ODAD2: variants seen among roughly 807,000 people sequenced by gnomAD.
The protein encoded by ODAD2 is outer dynein arm docking complex subunit 2, also known as outer dynein arm-docking complex subunit 2.
A neutral mutation model predicts 106.8 loss-of-function variants in ODAD2; 89 were observed. The observed-to-expected ratio is 0.83, with a 90% confidence interval of 0.70 to 0.99. The LOEUF is 0.99. Ranked by LOEUF, ODAD2 falls within the 50% of genes least tolerant of loss-of-function variation. The probability of loss-of-function intolerance (pLI) is 0.00; values close to 1 mark genes in which losing one functional copy is unlikely to be tolerated. For missense variants in ODAD2, 1,168 were observed against 1,238.5 expected, an observed-to-expected ratio of 0.94 and a Z score of 0.85; for synonymous variants, 404 against 436.2, an observed-to-expected ratio of 0.93 and a Z score of 0.92.
intron 17 of ODAD2, among the ~76,000 whole-genome samples, chr10:27,897,942 G>A (rs568700507): frequency 5.3e-5 from 8 of 152,052 alleles, no homozygotes; most frequent in African/African-American, 1.2e-4. Context: ...GCTTGCATAC[G>A]AGACCAGCCA....
chr10:27,982,354 A>G (rs12415087), intron 6 of ODAD2, among the ~76,000 whole-genome samples: 36,007 of 151,990 alleles, frequency 0.24, 4,413 homozygotes, highest in Middle Eastern at 0.3. Flanking sequence ...TTAAAGGGAT[A>G]CTTAGATATC....
At chr10:27,965,405 T>C (rs1848427045) in intron 9 of ODAD2, among the ~76,000 whole-genome samples, 1 of 151,960 alleles carries the variant, frequency 6.6e-6, no homozygotes, top group Non-Finnish European at 1.5e-5. Flanking sequence ...CTTTGGTGCA[T>C]AGGGTGAGGA....
At chr10:27,922,574 G>A (rs1844872979) in intron 16 of ODAD2, among the ~76,000 whole-genome samples, 1 of 152,118 alleles carries the variant, frequency 6.6e-6, no homozygotes, top group Non-Finnish European at 1.5e-5. Flanking sequence ...ACAGGCAATA[G>A]ATGAGAATTA....
At chr10:27,848,281 A>T (rs140501084) in intron 19 of ODAD2, among the ~76,000 whole-genome samples, 1,744 of 152,312 alleles carry the variant, frequency 0.011, 30 homozygotes, top group African/African-American at 0.039. Flanking sequence ...ATCTACAACC[A>T]TCTGATCTTT....
intron 9 of ODAD2, 127 bp from the exon 10 acceptor site, chr10:27,961,842 A>G: frequency 1.4e-6 from 1 of 736,128 alleles, no homozygotes; most frequent in Non-Finnish European, 2.2e-6. Context: ...AGGTGGGAGG[A>G]TTACTTAAGG....
chr10:27,993,492 T>C (rs1332984261), intron 2 of ODAD2, among the ~76,000 whole-genome samples: 1 of 151,566 alleles, frequency 6.6e-6, no homozygotes, highest in Non-Finnish European at 1.5e-5. Flanking sequence ...TCTACTAAAA[T>C]ACAAAAAATT....
At chr10:27,913,735 TTCAACATCACTGA>T (rs1458864316) in intron 16 of ODAD2, among the ~76,000 whole-genome samples, 1 of 152,090 alleles carries the variant, frequency 6.6e-6, no homozygotes, top group Non-Finnish European at 1.5e-5. Context: ...TTAAAAAATG[TTCAACATCACTGA>T]TCATTAGAGA....
intron 17 of ODAD2, among the ~76,000 whole-genome samples, chr10:27,880,802 TA>T (rs1353849501): frequency 7.9e-5 from 12 of 152,226 alleles, no homozygotes; most frequent in Admixed American, 7.9e-4. Context: ...CTGTTCTTTA[TA>T]AATTATCCAG....
chr10:27,845,360 T>C (rs1044203939), intron 19 of ODAD2, among the ~76,000 whole-genome samples: 1 of 152,212 alleles, frequency 6.6e-6, no homozygotes, highest in East Asian at 1.9e-4. Flanking sequence ...CCTTTACAGA[T>C]AAGCAAATGC....
At chr10:27,833,302 C>T (rs576468198) in intron 19 of ODAD2, among the ~76,000 whole-genome samples, 2 of 151,854 alleles carry the variant, frequency 1.3e-5, no homozygotes, top group Non-Finnish European at 2.9e-5. Flanking sequence ...AATTTGAAAA[C>T]ATTAGCACCC....
intron 19 of ODAD2, among the ~76,000 whole-genome samples, chr10:27,818,411 C>T (rs1480787915): frequency 2.6e-5 from 4 of 152,066 alleles, no homozygotes; most frequent in Non-Finnish European, 5.9e-5. Context: ...GTCTTGACTC[C>T]ATTGTTATAC....
intron 2 of ODAD2, among the ~76,000 whole-genome samples, chr10:27,994,193 A>G (rs912253975): frequency 1.3e-5 from 2 of 151,934 alleles, no homozygotes; most frequent in African/African-American, 4.8e-5. Flanking sequence ...TTTTCATCTC[A>G]GATTTGAAAG....
chr10:27,877,309 G>T (rs1012103123), intron 17 of ODAD2, among the ~76,000 whole-genome samples: 5 of 152,120 alleles, frequency 3.3e-5, no homozygotes, highest in Non-Finnish European at 7.3e-5. Context: ...TGGGAAAAAT[G>T]ACAAAAGTGA....
At chr10:27,959,368 T>C (rs1488952233) in intron 10 of ODAD2, among the ~76,000 whole-genome samples, 1 of 151,752 alleles carries the variant, frequency 6.6e-6, no homozygotes, top group Non-Finnish European at 1.5e-5. Context: ...AGTTCTCCAC[T>C]GCCAGTTCTT....
chr10:27,994,320 A>G (rs1459036423), intron 2 of ODAD2, among the ~76,000 whole-genome samples: 3 of 152,038 alleles, frequency 2.0e-5, no homozygotes, highest in African/African-American at 7.2e-5. Flanking sequence ...CCAGGAATTG[A>G]TCAATTTAAA....
intron 17 of ODAD2, among the ~76,000 whole-genome samples, chr10:27,899,465 A>T (rs1156592805): frequency 6.6e-6 from 1 of 151,956 alleles, no homozygotes; most frequent in Non-Finnish European, 1.5e-5. Flanking sequence ...GCGAGACAGA[A>T]CTGTTCACAC....
chr10:27,885,804 AAT>A (rs1198771976), intron 17 of ODAD2, among the ~76,000 whole-genome samples: 2 of 86,546 alleles, frequency 2.3e-5, no homozygotes, highest in African/African-American at 9.6e-5. Flanking sequence ...ATATATATAA[AAT>A]ATATATTATA....
chr10:27,864,994 C>T (rs1054597610), intron 17 of ODAD2, among the ~76,000 whole-genome samples: 1 of 152,110 alleles, frequency 6.6e-6, no homozygotes, highest in Non-Finnish European at 1.5e-5. Flanking sequence ...CCATGTGTTA[C>T]TCAACTGAGT....
chr10:27,864,000 G>A (rs1840256465), intron 17 of ODAD2, among the ~76,000 whole-genome samples: 1 of 152,106 alleles, frequency 6.6e-6, no homozygotes, highest in Non-Finnish European at 1.5e-5. Flanking sequence ...AGAGGCTGAA[G>A]TGTGGGGGAA....
Sources: allele counts gnomAD v4.1 joint callset (sites outside exome capture counted in the v4.1 genomes callset), GRCh38; gene constraint gnomAD v4.1.1; transcripts MANE v1.5; gene names NCBI Gene and HGNC (gene_info 2026-07-23, HGNC 2026-07-21).